The following IGF1R variants were observed in gnomAD, a reference collection of about 807,000 sequenced individuals.
The protein encoded by IGF1R is insulin-like growth factor 1 receptor.
IGF1R carries 44 observed loss-of-function variants against 144.6 expected under a neutral mutation model. That is an observed-to-expected ratio of 0.30 (90% CI 0.24 to 0.39). The LOEUF (loss-of-function observed/expected upper bound fraction) is 0.39, where lower values mean the gene tolerates loss of function less well. IGF1R is among the 10% of genes least tolerant of loss of function. IGF1R has a pLI of 1.00. For synonymous variants in IGF1R, 795 were observed against 722.8 expected, an observed-to-expected ratio of 1.10 and a Z score of -1.60; for missense variants, 1,355 against 1,833.7, an observed-to-expected ratio of 0.74 and a Z score of 4.77.
At position 98,816,913 on chromosome 15, in the gene IGF1R, G is replaced by T. The variant is rs144913665; in HGVS notation, c.641-74412G>T. On this transcript the variant is annotated intron_variant, in intron 2 of 20. Transcript: ENST00000650285. The stretch of plus-strand genomic sequence containing the variant: ...TAAATGCCCGGTTGTATGGATCTGA[G>T]ATCCTCAAAGCCAGGTTCATTCACT... Among the ~76,000 whole-genome samples, 448 of 152,298 alleles carry T rather than the reference G, an allele frequency of 2.9e-3. 4 individuals are homozygous for T. The highest frequency in any genetic ancestry group is 0.01 in the African/African-American group (434 of 41,560).
At chr15:98,701,116 A>G (rs1224453039) in intron 1 of IGF1R, among the ~76,000 whole-genome samples, 5 of 152,186 alleles carry the variant, frequency 3.3e-5, no homozygotes, top group Non-Finnish European at 5.9e-5. Context: ...GTAAAGAACT[A>G]CTATAGTATG....
intron 2 of IGF1R, among the ~76,000 whole-genome samples, chr15:98,836,898 A>G (rs1312862145): frequency 6.6e-6 from 1 of 152,180 alleles, no homozygotes; most frequent in Admixed American, 6.5e-5. Context: ...CAAGATTGAC[A>G]TTGCATCTCA....
rs145496131 is a variant in IGF1R, at chr15:98,959,792, T to G, written c.*2350T>G. On this transcript the variant is annotated 3_prime_UTR_variant, in exon 21 of 21. Coordinates refer to ENST00000650285, the MANE Select transcript of IGF1R (RefSeq NM_000875.5). ...CAGAAAAGAAAGTTTATACGGCTTT[T>G]TTGCTGGTCAGCAGTTTGTCCCACT... 4.3e-6 allele frequency: 1 copy of G among 233,334 alleles called. No homozygotes were observed. The highest frequency in any genetic ancestry group is 6.0e-5 in the East Asian group (1 of 16,594). 14.5% of individuals were successfully genotyped at this position (233,334 alleles called of 1,614,324 possible).
chr15:98,812,177 A>G (rs1898083510), intron 2 of IGF1R, among the ~76,000 whole-genome samples: 1 of 152,078 alleles, frequency 6.6e-6, no homozygotes, highest in African/African-American at 2.4e-5. Context: ...TTAGCACCCT[A>G]ACTCTGGGAG....
At chr15:98,939,161 AT>A in intron 17 of IGF1R, 39 bp from the exon 18 acceptor site, 1 of 1,586,840 alleles carries the variant, frequency 6.3e-7, no homozygotes, top group Non-Finnish European at 8.7e-7. Context: ...GAAAAAAAAA[AT>A]CCAAAATTCT....
intron 1 of IGF1R, among the ~76,000 whole-genome samples, chr15:98,697,865 G>T (rs1358858251): frequency 9.8e-6 from 1 of 102,098 alleles, no homozygotes. Flanking sequence ...AGCCACCCGA[G>T]TAGCTGGAAT....
intron 19 of IGF1R, 29 bp downstream of exon 19, chr15:98,943,081 CTG>C (rs1326436463): frequency 6.2e-7 from 1 of 1,613,622 alleles, no homozygotes; most frequent in Admixed American, 1.7e-5. Context: ...CATTGCCAGC[CTG>C]GAGCCCCCAG....
At chr15:98,760,763 T>G (rs1723780029) in intron 2 of IGF1R, among the ~76,000 whole-genome samples, 1 of 152,190 alleles carries the variant, frequency 6.6e-6, no homozygotes, top group Non-Finnish European at 1.5e-5. Context: ...AGATTGTGTT[T>G]TGGGAACTCC....
intron 2 of IGF1R, among the ~76,000 whole-genome samples, chr15:98,826,923 C>T (rs987662935): frequency 6.6e-6 from 1 of 152,142 alleles, no homozygotes; most frequent in Non-Finnish European, 1.5e-5. Context: ...GAAAAGTCTA[C>T]GGGGTTTATA....
intron 2 of IGF1R, among the ~76,000 whole-genome samples, chr15:98,819,438 T>A (rs183013805): frequency 2.0e-5 from 3 of 152,240 alleles, no homozygotes; most frequent in African/African-American, 4.8e-5. Context: ...ATGAATGAGA[T>A]TGTGCCTTTA....
chr15:98,951,140 G>A (rs1317457672), intron 20 of IGF1R, among the ~76,000 whole-genome samples: 1 of 152,252 alleles, frequency 6.6e-6, no homozygotes, highest in Non-Finnish European at 1.5e-5. Context: ...GGATACCAGG[G>A]AAAGCCAGAG....
intron 2 of IGF1R, among the ~76,000 whole-genome samples, chr15:98,813,281 T>C (rs542144188): frequency 3.9e-5 from 6 of 152,196 alleles, no homozygotes; most frequent in African/African-American, 1.4e-4. Flanking sequence ...CTCACTCATA[T>C]GCAAAATAAC....
At position 98,957,888 on chromosome 15, in the gene IGF1R, C is replaced by G. The variant is rs974963874; in HGVS notation, c.*446C>G. The G allele has an allele frequency of 3.6e-5, 9 of 247,604 alleles. No homozygotes were observed. The highest frequency in any genetic ancestry group is 2.0e-4 in the African/African-American group (9 of 45,616). 15.3% of individuals were successfully genotyped at this position (247,604 alleles called of 1,614,324 possible). A position where few individuals can be genotyped will look rare whatever the true frequency, so the allele number is the denominator to read the frequency against. On this transcript the variant is annotated 3_prime_UTR_variant, in exon 21 of 21. Transcript: ENST00000650285. ...GGCCCCATCCAACCACTGTACACAC[C>G]CGCCTGACACCGTGGGTCATTACAA...
chr15:98,907,484 T>C (rs920109205), intron 5 of IGF1R, among the ~76,000 whole-genome samples: 2 of 152,186 alleles, frequency 1.3e-5, no homozygotes, highest in Non-Finnish European at 2.9e-5. Flanking sequence ...GAGTGGATCT[T>C]AGAAGTCACT....
chr15:98,846,437 G>A (rs2011330945), intron 2 of IGF1R, among the ~76,000 whole-genome samples: 1 of 152,314 alleles, frequency 6.6e-6, no homozygotes, highest in South Asian at 2.1e-4. Context: ...AAGCTTAATA[G>A]GTCTTTACTT....
At chr15:98,697,184 AG>A (rs1262569976) in intron 1 of IGF1R, among the ~76,000 whole-genome samples, 1 of 152,180 alleles carries the variant, frequency 6.6e-6, no homozygotes, top group African/African-American at 2.4e-5. Flanking sequence ...CATTTTACAA[AG>A]GAAGAACTGT....
At chr15:98,750,164 G>A (rs1186307411) in intron 2 of IGF1R, among the ~76,000 whole-genome samples, 2 of 152,204 alleles carry the variant, frequency 1.3e-5, no homozygotes, top group African/African-American at 4.8e-5. Flanking sequence ...GCATCTGGAA[G>A]TCTAAGGTGC....
chr15:98,846,702 G>C (rs2011341962), intron 2 of IGF1R, among the ~76,000 whole-genome samples: 1 of 152,176 alleles, frequency 6.6e-6, no homozygotes, highest in Non-Finnish European at 1.5e-5. Flanking sequence ...CATCGAGAGG[G>C]GCAGTGTTTC....
At chr15:98,751,514 G>GA (rs1368356545) in intron 2 of IGF1R, among the ~76,000 whole-genome samples, 7 of 152,194 alleles carry the variant, frequency 4.6e-5, no homozygotes, top group Admixed American at 4.6e-4. Context: ...AGTGACATGG[G>GA]ATGAAGGAAC....
Sources: allele counts gnomAD v4.1 joint callset (sites outside exome capture counted in the v4.1 genomes callset), GRCh38; gene constraint gnomAD v4.1.1; transcripts MANE v1.5; gene names NCBI Gene and HGNC (gene_info 2026-07-23, HGNC 2026-07-21).